The following SCN11A variants were observed in gnomAD, a reference collection of about 807,000 sequenced individuals.
SCN11A encodes sodium voltage-gated channel alpha subunit 11.
SCN11A carries 122 observed loss-of-function variants against 162.2 expected under a neutral mutation model. That is an observed-to-expected ratio of 0.75 (90% CI 0.65 to 0.87). The LOEUF (loss-of-function observed/expected upper bound fraction) is 0.87. Ranked by LOEUF, SCN11A falls within the 40% of genes least tolerant of loss-of-function variation. The pLI is 0.00. For synonymous variants in SCN11A, 758 were observed against 751.5 expected (o/e 1.01, Z -0.14); for missense variants, 2,015 against 2,181.6 (o/e 0.92, Z 1.52).
intron 11 of SCN11A, among the ~76,000 whole-genome samples, chr3:38,910,621 G>T (rs78093703): frequency 0.055 from 8,377 of 152,060 alleles, 774 homozygotes; most frequent in African/African-American, 0.19. Context: ...ACAAAAATGG[G>T]AACATGCTTT....
chr3:38,971,493 C>A (rs892142287), intron 2 of SCN11A, among the ~76,000 whole-genome samples: 2 of 152,174 alleles, frequency 1.3e-5, no homozygotes, highest in African/African-American at 4.8e-5. Flanking sequence ...TCCTCATCTC[C>A]CCCGCACTCA....
At position 38,903,965 on chromosome 3, in the gene SCN11A, A is replaced by G. The variant is rs2065746639; in HGVS notation, c.1742T>C (p.Leu581Pro). 3 of 1,614,138 alleles carry G rather than the reference A, an allele frequency of 1.9e-6. No individual in the cohort carries two copies. Among genetic ancestry groups the G allele is most frequent in the Non-Finnish European group, 2.5e-6 (3 of 1,179,980 alleles). Residue 581 changes from leucine to proline, a missense_variant, in exon 16 of 30, where the codon CTG becomes CCG. Leu to Pro is a moderately conservative substitution (Grantham distance 98). Coordinates refer to ENST00000302328, the MANE Select transcript of SCN11A (RefSeq NM_001349253.2). ...GATGATGATGCAGATGGTGATGGCC[A>G]GCTCAGTAAACGGGTCAGTCATCAC... ...RTVMTDPFTE[L>P]AITICIIINT... is the part of the protein sequence containing the mutation.
chr3:38,870,401 C>A (rs979355303), intron 26 of SCN11A, among the ~76,000 whole-genome samples: 3 of 152,182 alleles, frequency 2.0e-5, no homozygotes, highest in Non-Finnish European at 2.9e-5. Context: ...TCAAGGCATC[C>A]TGTGATTCTG....
intron 2 of SCN11A, among the ~76,000 whole-genome samples, chr3:39,000,180 T>TA (rs1378649134): frequency 6.6e-6 from 1 of 152,244 alleles, no homozygotes; most frequent in Non-Finnish European, 1.5e-5. Flanking sequence ...TAACCAACTC[T>TA]AGGGGGCAAT....
chr3:38,951,953 G>C (rs4571174), intron 4 of SCN11A, among the ~76,000 whole-genome samples: 59,928 of 151,540 alleles, frequency 0.4, 12,393 homozygotes, highest in African/African-American at 0.53. Context: ...GCAACCCGCT[G>C]GGGTCCCCTT....
intron 23 of SCN11A, among the ~76,000 whole-genome samples, chr3:38,878,247 G>T (rs1365372368): frequency 1.3e-5 from 2 of 151,920 alleles, no homozygotes; most frequent in African/African-American, 4.8e-5. Context: ...TTGGACAACT[G>T]TTTTGATATT....
At chr3:38,907,748 AGTAAACACT>A (rs2065822067) in intron 14 of SCN11A, among the ~76,000 whole-genome samples, 192 bp downstream of exon 14, 1 of 152,252 alleles carries the variant, frequency 6.6e-6, no homozygotes, top group African/African-American at 2.4e-5. Context: ...CCAAGAAGAT[AGTAAACACT>A]GTAAACACTC....
intron 11 of SCN11A, among the ~76,000 whole-genome samples, chr3:38,915,067 A>G (rs1250747116): frequency 1.3e-5 from 2 of 151,750 alleles, no homozygotes; most frequent in African/African-American, 4.8e-5. Flanking sequence ...CTCTTTGTAC[A>G]TCTAGTAGAA....
At chr3:39,029,284 T>C (rs2031683981) in intron 2 of SCN11A, among the ~76,000 whole-genome samples, 2 of 152,168 alleles carry the variant, frequency 1.3e-5, no homozygotes, top group African/African-American at 4.8e-5. Flanking sequence ...ATGTAATAGG[T>C]AAAAAATTAT....
intron 11 of SCN11A, among the ~76,000 whole-genome samples, chr3:38,915,715 G>A (rs1240683146): frequency 1.3e-5 from 2 of 152,044 alleles, no homozygotes; most frequent in East Asian, 3.8e-4. Flanking sequence ...CTTGTTTTAT[G>A]TTCCATTATG....
chr3:39,031,536 A>AC (rs2031749605), intron 2 of SCN11A, among the ~76,000 whole-genome samples: 2 of 149,312 alleles, frequency 1.3e-5, no homozygotes, highest in African/African-American at 5.1e-5. Flanking sequence ...ACAAAAAACA[A>AC]ACAAACAAAA....
intron 28 of SCN11A, among the ~76,000 whole-genome samples, chr3:38,852,962 G>T (rs113049426): frequency 0.035 from 5,378 of 152,312 alleles, 129 homozygotes; most frequent in South Asian, 0.064. Context: ...CTTGATTGGT[G>T]AGTTGTAGCT....
intron 2 of SCN11A, among the ~76,000 whole-genome samples, chr3:39,022,153 A>T (rs1481974538): frequency 6.6e-6 from 1 of 152,064 alleles, no homozygotes; most frequent in East Asian, 1.9e-4. Flanking sequence ...TCACCTTTTG[A>T]TATCAGAGGG....
intron 25 of SCN11A, 63 bp from the exon 26 acceptor site, chr3:38,870,807 G>T: frequency 2.8e-6 from 4 of 1,440,162 alleles, no homozygotes; most frequent in Non-Finnish European, 2.0e-6. Flanking sequence ...CAGATACATG[G>T]CATGGAAAAG....
chr3:38,984,926 G>A (rs2030180304), intron 2 of SCN11A, among the ~76,000 whole-genome samples: 1 of 151,308 alleles, frequency 6.6e-6, no homozygotes, highest in South Asian at 2.1e-4. Flanking sequence ...AGGGCAGTGA[G>A]GAGGCCAGTG....
At position 38,896,891 on chromosome 3, in the gene SCN11A, A is replaced by AATG; in HGVS notation, c.2354_2356dup (p.Ser785dup). ...GATCAATATGAAGACAATAACACAC[A>AATG]ATGATGATGATGCATTCGCTTCTTG... On this transcript the variant is annotated inframe_insertion, in exon 18 of 30. Transcript: ENST00000302328. 1 of 1,612,584 alleles carries AATG rather than the reference A, an allele frequency of 6.2e-7. No individual in the cohort carries two copies. Among genetic ancestry groups the AATG allele is most frequent in the Non-Finnish European group, 8.5e-7 (1 of 1,179,192 alleles).
Position 38,945,452 on chromosome 3 carries a change from C to T in SCN11A, c.447G>A (p.Gly149=), listed in dbSNP as rs2066501883. The T allele has an allele frequency of 1.9e-6, 3 of 1,604,982 alleles. No homozygotes were observed. The highest frequency in any genetic ancestry group is 2.6e-6 in the Non-Finnish European group (3 of 1,173,484). Residue 149 remains glycine, a synonymous_variant, in exon 7 of 30, where the codon GGG becomes GGA. Transcript: ENST00000302328. ...VIINCVFMAT[G]PAKNSNSNNT... is the part of the protein sequence containing the mutation. ...TGTTACTGTTGCTGTTTTTAGCAGG[C>T]CCTGTAGCCATGAACACGCAGTTGA...
At chr3:38,983,736 T>C (rs2030138868) in intron 2 of SCN11A, among the ~76,000 whole-genome samples, 1 of 152,250 alleles carries the variant, frequency 6.6e-6, no homozygotes, top group Admixed American at 6.5e-5. Context: ...TTGACCATCA[T>C]GACAGTCCTA....
intron 2 of SCN11A, among the ~76,000 whole-genome samples, chr3:38,998,824 A>G (rs1179340834): frequency 3.4e-5 from 5 of 145,020 alleles, no homozygotes; most frequent in Admixed American, 1.4e-4. Context: ...ACCAAACACC[A>G]CATGTTCTCA....
Sources: gnomAD v4.1 joint callset for allele counts (sites outside exome capture counted in the v4.1 genomes callset) on GRCh38, gnomAD v4.1.1 for gene constraint, MANE v1.5 for transcripts, NCBI Gene and HGNC (gene_info 2026-07-23, HGNC 2026-07-21) for gene names.